The following DLG2 variants were observed in gnomAD, a reference collection of about 807,000 sequenced individuals.
DLG2 encodes the protein disks large homolog 2.
DLG2 carries 45 observed loss-of-function variants against 132.5 expected under a neutral mutation model. That is an observed-to-expected ratio of 0.34 (90% CI 0.27 to 0.44). The LOEUF is 0.44. Ranked by LOEUF, DLG2 falls within the 20% of genes least tolerant of loss-of-function variation. The pLI is 1.00. For missense variants in DLG2, 1,045 were observed against 1,196.9 expected, an observed-to-expected ratio of 0.87 and a Z score of 1.87; for synonymous variants, 424 against 419.6, an observed-to-expected ratio of 1.01 and a Z score of -0.13.
chr11:85,426,758 T>A (rs1270384241), intron 3 of DLG2, among the ~76,000 whole-genome samples: 2 of 151,904 alleles, frequency 1.3e-5, no homozygotes, highest in African/African-American at 4.8e-5. Context: ...ACACCAGCAA[T>A]GGAACAAAGC....
intron 6 of DLG2, among the ~76,000 whole-genome samples, chr11:84,731,462 G>C (rs1385717024): frequency 3.9e-5 from 6 of 151,984 alleles, no homozygotes; most frequent in Admixed American, 1.3e-4. Context: ...AATGGAGGTA[G>C]GAAGGCATAA....
chr11:85,403,952 G>A (rs148659937), intron 3 of DLG2, among the ~76,000 whole-genome samples: 5 of 151,982 alleles, frequency 3.3e-5, no homozygotes, highest in African/African-American at 7.2e-5. Flanking sequence ...TAAAATAAGG[G>A]TTGTAATAGG....
At chr11:84,748,087 T>C (rs2065618732) in intron 6 of DLG2, among the ~76,000 whole-genome samples, 1 of 152,216 alleles carries the variant, frequency 6.6e-6, no homozygotes. Context: ...CAAAGACACC[T>C]GACAGGGCAA....
chr11:83,716,507 A>C (rs1373589715), intron 18 of DLG2, among the ~76,000 whole-genome samples: 2 of 152,220 alleles, frequency 1.3e-5, no homozygotes, highest in Non-Finnish European at 2.9e-5. Flanking sequence ...CTTTAGATGC[A>C]CTGTGTTTTA....
intron 2 of DLG2, among the ~76,000 whole-genome samples, chr11:85,624,411 T>C (rs776199709): frequency 6.6e-6 from 1 of 152,188 alleles, no homozygotes; most frequent in Non-Finnish European, 1.5e-5. Context: ...TGTTCAACAA[T>C]GAATAAACAC....
chr11:84,584,150 A>G (rs1398311664), intron 6 of DLG2, among the ~76,000 whole-genome samples: 3 of 152,144 alleles, frequency 2.0e-5, no homozygotes. Flanking sequence ...CACCAGTAGT[A>G]TAGAAGAAAC....
intron 6 of DLG2, among the ~76,000 whole-genome samples, chr11:84,886,235 C>G (rs2088282539): frequency 1.3e-5 from 2 of 152,114 alleles, no homozygotes. Flanking sequence ...CTGCCTCATC[C>G]TCTGCCACAA....
chr11:83,762,519 G>T (rs1311697755), intron 18 of DLG2, among the ~76,000 whole-genome samples: 1 of 152,082 alleles, frequency 6.6e-6, no homozygotes, highest in East Asian at 1.9e-4. Context: ...CCATGAGTTT[G>T]GGAATTGTAG....
At chr11:83,695,958 G>T (rs528484077) in intron 18 of DLG2, among the ~76,000 whole-genome samples, 1 of 152,252 alleles carries the variant, frequency 6.6e-6, no homozygotes, top group Admixed American at 6.5e-5. Context: ...GAAATGAGAG[G>T]CAGGCTTGGG....
chr11:84,502,631 G>A (rs538659297), intron 7 of DLG2, among the ~76,000 whole-genome samples: 1 of 151,648 alleles, frequency 6.6e-6, no homozygotes, highest in African/African-American at 2.4e-5. Flanking sequence ...CTCCTGGCCT[G>A]ACATGATCCA....
chr11:85,331,032 G>C (rs891351713), intron 3 of DLG2, among the ~76,000 whole-genome samples: 28 of 152,110 alleles, frequency 1.8e-4, no homozygotes, highest in African/African-American at 6.8e-4. Context: ...AAGCTCATCT[G>C]TATTAAGTTT....
At chr11:84,213,280 G>C (rs912706681) in intron 8 of DLG2, among the ~76,000 whole-genome samples, 1 of 152,020 alleles carries the variant, frequency 6.6e-6, no homozygotes, top group African/African-American at 2.4e-5. Context: ...ATTTTCATTA[G>C]TTATCTGTGT....
chr11:85,286,119 G>C (rs778776113), intron 3 of DLG2: 1 of 453,588 alleles, frequency 2.2e-6, no homozygotes, highest in Non-Finnish European at 4.4e-6. Context: ...AAAATGAACA[G>C]AGACTATAAA....
At chr11:83,759,715 C>T (rs887430777) in intron 18 of DLG2, among the ~76,000 whole-genome samples, 6 of 152,114 alleles carry the variant, frequency 3.9e-5, no homozygotes, top group African/African-American at 1.4e-4. Context: ...GCTTTGTACT[C>T]ATAGTGGTTT....
intron 7 of DLG2, among the ~76,000 whole-genome samples, chr11:84,472,683 T>G (rs1409300339): frequency 6.6e-6 from 1 of 151,972 alleles, no homozygotes; most frequent in Non-Finnish European, 1.5e-5. Flanking sequence ...GGTCTACTTC[T>G]ATTTATTGAG....
At chr11:84,618,047 A>T (rs911914422) in intron 6 of DLG2, among the ~76,000 whole-genome samples, 1 of 152,140 alleles carries the variant, frequency 6.6e-6, no homozygotes, top group East Asian at 1.9e-4. Context: ...CTGTGCACTG[A>T]AACTTAAACG....
intron 6 of DLG2, among the ~76,000 whole-genome samples, chr11:84,631,036 A>T (rs2099631167): frequency 3.4e-5 from 5 of 149,188 alleles, no homozygotes; most frequent in African/African-American, 1.2e-4. Flanking sequence ...ACACACACAC[A>T]CACACACACA....
intron 3 of DLG2, among the ~76,000 whole-genome samples, chr11:85,352,428 A>T (rs762987087): frequency 9.9e-5 from 15 of 152,122 alleles, no homozygotes; most frequent in Non-Finnish European, 1.8e-4. Flanking sequence ...CTCTGATATT[A>T]GTTATTTCTT....
intron 6 of DLG2, among the ~76,000 whole-genome samples, chr11:84,542,828 A>G (rs2099379564): frequency 6.6e-6 from 1 of 152,208 alleles, no homozygotes; most frequent in Non-Finnish European, 1.5e-5. Flanking sequence ...TTTAAGTTCC[A>G]TAATTGAGTA....
Sources: allele counts gnomAD v4.1 joint callset (sites outside exome capture counted in the v4.1 genomes callset), GRCh38; gene constraint gnomAD v4.1.1; transcripts MANE v1.5; gene names NCBI Gene and HGNC (gene_info 2026-07-23, HGNC 2026-07-21).